The following ROBO2 variants were observed in gnomAD, a reference collection of about 807,000 sequenced individuals.
The protein encoded by ROBO2 is roundabout guidance receptor 2.
ROBO2 carries 53 observed loss-of-function variants against 160.8 expected under a neutral mutation model. That is an observed-to-expected ratio of 0.33 (90% CI 0.26 to 0.41). ROBO2 has a LOEUF of 0.41. Among genes scored for constraint, ROBO2 ranks in the 10% least tolerant of loss-of-function variants. The pLI, the probability that ROBO2 is intolerant of heterozygous loss-of-function variation, is 1.00. For missense variants in ROBO2, 1,577 were observed against 1,722.4 expected (o/e 0.92, Z 1.49); for synonymous variants, 664 against 611.7 (o/e 1.09, Z -1.26).
At chr3:76,213,185 A>T (rs1055408975) in intron 2 of ROBO2, among the ~76,000 whole-genome samples, 8 of 152,150 alleles carry the variant, frequency 5.3e-5, no homozygotes, top group Admixed American at 2.6e-4. Flanking sequence ...TGGATTGGCC[A>T]TTATAACCTT....
At chr3:77,586,828 T>C (rs989705663) in intron 16 of ROBO2, among the ~76,000 whole-genome samples, 4 of 148,716 alleles carry the variant, frequency 2.7e-5, no homozygotes, top group Non-Finnish European at 4.5e-5. Flanking sequence ...CTATGTTTAA[T>C]AATTATATGT....
chr3:76,957,935 G>A (rs148927076), intron 2 of ROBO2, among the ~76,000 whole-genome samples: 4 of 152,080 alleles, frequency 2.6e-5, no homozygotes, highest in African/African-American at 4.8e-5. Flanking sequence ...GACTATTTGC[G>A]TGAAAGTTCT....
chr3:76,352,556 T>A (rs1158357063), intron 2 of ROBO2, among the ~76,000 whole-genome samples: 1 of 152,026 alleles, frequency 6.6e-6, no homozygotes, highest in Admixed American at 6.6e-5. Context: ...TGAATGAAAA[T>A]GAGTTGAACT....
At chr3:77,442,807 G>A (rs1256098874) in intron 2 of ROBO2, among the ~76,000 whole-genome samples, 1 of 152,182 alleles carries the variant, frequency 6.6e-6, no homozygotes, top group Non-Finnish European at 1.5e-5. Flanking sequence ...TTGTGATGTA[G>A]TGTGTGACTT....
At chr3:76,185,164 A>AT (rs556595590) in intron 2 of ROBO2, among the ~76,000 whole-genome samples, 2,788 of 139,658 alleles carry the variant, frequency 0.02, 56 homozygotes, top group Non-Finnish European at 0.035. Flanking sequence ...CAACTCTTCC[A>AT]TTTTTTTCTA....
chr3:76,853,197 C>T (rs1376981426), intron 2 of ROBO2, among the ~76,000 whole-genome samples: 1 of 151,982 alleles, frequency 6.6e-6, no homozygotes, highest in Non-Finnish European at 1.5e-5. Context: ...TTCCCCATAG[C>T]TAATGTTTTT....
intron 6 of ROBO2, among the ~76,000 whole-genome samples, chr3:77,526,308 T>C (rs1315679711): frequency 2.0e-5 from 3 of 151,518 alleles, no homozygotes; most frequent in Non-Finnish European, 4.4e-5. Flanking sequence ...AAATATGTTT[T>C]CAATGGCTGT....
intron 2 of ROBO2, among the ~76,000 whole-genome samples, chr3:77,391,988 G>T (rs1198012118): frequency 6.6e-6 from 1 of 152,064 alleles, no homozygotes; most frequent in Non-Finnish European, 1.5e-5. Flanking sequence ...TTTTAGCCAG[G>T]CCATGCATAA....
chr3:77,279,677 CTT>C (rs1312066386), intron 2 of ROBO2, among the ~76,000 whole-genome samples: 1 of 151,860 alleles, frequency 6.6e-6, no homozygotes, highest in African/African-American at 2.4e-5. Context: ...TTGATATAGT[CTT>C]TTTAATTATT....
At chr3:76,529,219 A>G (rs1309343610) in intron 2 of ROBO2, among the ~76,000 whole-genome samples, 1 of 152,200 alleles carries the variant, frequency 6.6e-6, no homozygotes, top group Non-Finnish European at 1.5e-5. Context: ...CCAAAGATAG[A>G]CAGCAAAAGA....
At chr3:77,412,058 G>A (rs771618169) in intron 2 of ROBO2, among the ~76,000 whole-genome samples, 32 of 152,114 alleles carry the variant, frequency 2.1e-4, no homozygotes, top group Non-Finnish European at 4.0e-4. Context: ...CCTTCCAGGC[G>A]TGTTTTCTAT....
At chr3:76,379,323 A>T (rs2076505359) in intron 2 of ROBO2, among the ~76,000 whole-genome samples, 1 of 152,184 alleles carries the variant, frequency 6.6e-6, no homozygotes, top group African/African-American at 2.4e-5. Context: ...TAAATACTTG[A>T]AATCTACACT....
chr3:77,110,541 A>G (rs908734181), intron 2 of ROBO2, among the ~76,000 whole-genome samples: 6 of 151,608 alleles, frequency 4.0e-5, no homozygotes, highest in Non-Finnish European at 8.8e-5. Flanking sequence ...ATCCACAGGC[A>G]AAAATATAAA....
At chr3:77,381,723 T>A (rs1398117948) in intron 2 of ROBO2, among the ~76,000 whole-genome samples, 1 of 152,228 alleles carries the variant, frequency 6.6e-6, no homozygotes, top group African/African-American at 2.4e-5. Flanking sequence ...GTGAACATCA[T>A]CATTGAAAAT....
chr3:77,515,495 A>T (rs2153620745), intron 5 of ROBO2, among the ~76,000 whole-genome samples: 1 of 151,908 alleles, frequency 6.6e-6, no homozygotes, highest in East Asian at 1.9e-4. Context: ...ACAACTACAA[A>T]TTTATACAAT....
intron 16 of ROBO2, among the ~76,000 whole-genome samples, chr3:77,581,348 T>C (rs2093914255): frequency 6.6e-6 from 1 of 152,112 alleles, no homozygotes; most frequent in African/African-American, 2.4e-5. Flanking sequence ...TCATTTTTCT[T>C]TGATATTTAG....
intron 2 of ROBO2, among the ~76,000 whole-genome samples, chr3:77,379,930 C>T (rs2073214950): frequency 6.6e-6 from 1 of 152,144 alleles, no homozygotes; most frequent in African/African-American, 2.4e-5. Context: ...CACCCTGCAC[C>T]TCTCAGCTCA....
At chr3:77,238,534 T>C (rs550508167) in intron 2 of ROBO2, among the ~76,000 whole-genome samples, 1 of 152,274 alleles carries the variant, frequency 6.6e-6, no homozygotes, top group South Asian at 2.1e-4. Flanking sequence ...ATTTTCTTAA[T>C]AGCTTTCTAT....
chr3:77,328,847 G>A (rs1181334908), intron 2 of ROBO2, among the ~76,000 whole-genome samples: 3 of 152,186 alleles, frequency 2.0e-5, no homozygotes, highest in African/African-American at 4.8e-5. Context: ...TGACAAGAAT[G>A]CATCCCATCT....
Sources: allele counts gnomAD v4.1 joint callset (sites outside exome capture counted in the v4.1 genomes callset), GRCh38; gene constraint gnomAD v4.1.1; transcripts MANE v1.5; gene names NCBI Gene and HGNC (gene_info 2026-07-23, HGNC 2026-07-21).